CHRM2: variants seen among roughly 807,000 people sequenced by gnomAD.
The protein encoded by CHRM2 is cholinergic receptor muscarinic 2.
Under a neutral mutation model 25.0 loss-of-function variants are expected in CHRM2, and 8 were observed. The observed-to-expected ratio is 0.32, with a 90% CI of 0.19 to 0.58. The LOEUF (loss-of-function observed/expected upper bound fraction) is 0.58, where lower values mean the gene tolerates loss of function less well. CHRM2 is among the 20% of genes least tolerant of loss of function. The pLI, the probability that CHRM2 is intolerant of heterozygous loss-of-function variation, is 0.88. For synonymous variants in CHRM2, 202 were observed against 205.7 expected (o/e 0.98, Z 0.15); for missense variants, 440 against 567.1 (o/e 0.78, Z 2.28).
chr7:136,994,249 A>G (rs1418017909), intron 3 of CHRM2, among the ~76,000 whole-genome samples: 4 of 152,180 alleles, frequency 2.6e-5, no homozygotes, highest in Non-Finnish European at 4.4e-5. Flanking sequence ...TCAAACATCA[A>G]TGGTGTTTCA....
At chr7:137,012,667 A>G (rs952231678) in intron 3 of CHRM2, among the ~76,000 whole-genome samples, 23 of 152,026 alleles carry the variant, frequency 1.5e-4, no homozygotes, top group African/African-American at 5.5e-4. Context: ...TAATATATTT[A>G]ACCAATCCCT....
intron 2 of CHRM2, among the ~76,000 whole-genome samples, chr7:136,898,137 G>A (rs376649397): frequency 1.2e-4 from 18 of 152,072 alleles, no homozygotes; most frequent in East Asian, 1.9e-4. Context: ...CAGAGGGTTC[G>A]TTTACAATTA....
At chr7:136,940,366 T>C (rs1799697379) in intron 2 of CHRM2, among the ~76,000 whole-genome samples, 1 of 152,220 alleles carries the variant, frequency 6.6e-6, no homozygotes, top group Admixed American at 6.5e-5. Context: ...ATTAAAGACA[T>C]AGACTCTGGA....
chr7:136,998,536 T>C (rs1803761885), intron 3 of CHRM2, among the ~76,000 whole-genome samples: 1 of 152,138 alleles, frequency 6.6e-6, no homozygotes, highest in African/African-American at 2.4e-5. Context: ...TAAGACTCTT[T>C]TAGAGATGAA....
At chr7:136,975,206 A>G (rs1802033324) in intron 2 of CHRM2, among the ~76,000 whole-genome samples, 1 of 152,208 alleles carries the variant, frequency 6.6e-6, no homozygotes, top group African/African-American at 2.4e-5. Flanking sequence ...ACATCAGCCT[A>G]TAAGAAACAG....
intron 3 of CHRM2, among the ~76,000 whole-genome samples, chr7:136,996,111 T>C (rs978279981): frequency 6.6e-6 from 1 of 151,860 alleles, no homozygotes; most frequent in Non-Finnish European, 1.5e-5. Flanking sequence ...GAGTGATTTT[T>C]AAATTATTTT....
chr7:136,912,536 C>G (rs1241749487), intron 2 of CHRM2, among the ~76,000 whole-genome samples: 1 of 151,806 alleles, frequency 6.6e-6, no homozygotes, highest in Non-Finnish European at 1.5e-5. Flanking sequence ...TACCGTCACT[C>G]TATTTGGTGG....
At chr7:136,881,531 C>T (rs946388295) in intron 2 of CHRM2, among the ~76,000 whole-genome samples, 8 of 151,890 alleles carry the variant, frequency 5.3e-5, no homozygotes, top group Admixed American at 6.6e-5. Context: ...TATTCTTAAG[C>T]TCTAGAACTT....
Position 137,019,957 on chromosome 7 carries a change from T to C in CHRM2, c.*3691T>C, listed in dbSNP as rs2131146367. On this transcript the variant is annotated 3_prime_UTR_variant, in exon 4 of 4. Coordinates refer to ENST00000680005, the MANE Select transcript of CHRM2 (RefSeq NM_001006630.2). ...TTGACAGTTTCCTCCTCGCCCCAGTTTGATAATATCCCTTTCAACAACCAT... is the reference window on the plus strand; with the variant it reads ...TTGACAGTTTCCTCCTCGCCCCAGTCTGATAATATCCCTTTCAACAACCAT... 6.6e-6 allele frequency: 1 copy of C among 152,006 alleles called. No homozygotes were observed. Among genetic ancestry groups the C allele is most frequent in the African/African-American group, 2.4e-5 (1 of 41,534 alleles). The allele number at this position is 152,006 out of a possible 1,614,324, so 9.4% of individuals were successfully genotyped here.
At chr7:136,979,062 C>T (rs1051732428) in intron 2 of CHRM2, among the ~76,000 whole-genome samples, 1 of 152,140 alleles carries the variant, frequency 6.6e-6, no homozygotes, top group African/African-American at 2.4e-5. Context: ...TTTATACTCC[C>T]ACAAACAGCA....
intron 3 of CHRM2, among the ~76,000 whole-genome samples, chr7:137,009,401 AT>A: frequency 6.6e-6 from 1 of 152,174 alleles, no homozygotes; most frequent in East Asian, 1.9e-4. Context: ...TTTTAAGACA[AT>A]TTTTTGAATC....
chr7:136,978,752 C>T (rs1584866341), intron 2 of CHRM2, among the ~76,000 whole-genome samples: 1 of 152,240 alleles, frequency 6.6e-6, no homozygotes, highest in African/African-American at 2.4e-5. Context: ...TTACCAGCTT[C>T]ATCAATATCC....
intron 2 of CHRM2, among the ~76,000 whole-genome samples, chr7:136,964,328 C>T (rs1172634640): frequency 1.3e-5 from 2 of 152,052 alleles, no homozygotes; most frequent in Non-Finnish European, 2.9e-5. Flanking sequence ...TGTTCTCATG[C>T]AGATAACTTT....
At chr7:136,942,679 G>A (rs1355840952) in intron 2 of CHRM2, among the ~76,000 whole-genome samples, 2 of 152,068 alleles carry the variant, frequency 1.3e-5, no homozygotes, top group South Asian at 4.1e-4. Flanking sequence ...AATAACCCCA[G>A]GGCAGGCTGC....
intron 3 of CHRM2, among the ~76,000 whole-genome samples, chr7:136,998,330 G>GC (rs34910234): frequency 0.55 from 83,209 of 151,944 alleles, 23,936 homozygotes; most frequent in African/African-American, 0.62. Flanking sequence ...CTGACACAAA[G>GC]TGAGTCCTCT....
chr7:136,927,414 G>C (rs1014630050), intron 2 of CHRM2, among the ~76,000 whole-genome samples: 6 of 152,044 alleles, frequency 3.9e-5, no homozygotes, highest in Non-Finnish European at 8.8e-5. Context: ...GTGTGGGTGT[G>C]TGTGTGTATG....
intron 2 of CHRM2, among the ~76,000 whole-genome samples, chr7:136,980,968 C>T (rs926317747): frequency 6.6e-6 from 1 of 152,018 alleles, no homozygotes; most frequent in African/African-American, 2.4e-5. Context: ...AAATGAGTTA[C>T]GGAGGACTCC....
At chr7:136,889,047 C>CA (rs56915229) in intron 2 of CHRM2, among the ~76,000 whole-genome samples, 2,739 of 66,294 alleles carry the variant, frequency 0.041, 285 homozygotes, top group Admixed American at 0.13. Context: ...GACTACATCT[C>CA]AAAAAAAAAA....
intron 2 of CHRM2, among the ~76,000 whole-genome samples, chr7:136,874,118 T>C (rs750340866): frequency 6.6e-5 from 10 of 152,214 alleles, no homozygotes; most frequent in Non-Finnish European, 1.3e-4. Flanking sequence ...AATCCCAGTC[T>C]AGTTGTCTCT....
Sources: allele counts gnomAD v4.1 joint callset (sites outside exome capture counted in the v4.1 genomes callset), GRCh38; gene constraint gnomAD v4.1.1; transcripts MANE v1.5; gene names NCBI Gene and HGNC (gene_info 2026-07-23, HGNC 2026-07-21).